LRP1B: variants seen among roughly 807,000 people sequenced by gnomAD.
LRP1B encodes low-density lipoprotein receptor-related protein 1B.
In LRP1B, 217 loss-of-function variants were observed where a neutral mutation model predicts 556.6. The observed-to-expected ratio is 0.39, with a 90% CI of 0.35 to 0.44. LRP1B has a LOEUF of 0.44. LRP1B is among the 20% of genes least tolerant of loss of function. LRP1B has a pLI of 1.00. For missense variants in LRP1B, 5,053 were observed against 5,620.8 expected, an observed-to-expected ratio of 0.90 and a Z score of 3.23; for synonymous variants, 2,047 against 1,865.8, an observed-to-expected ratio of 1.10 and a Z score of -2.50.
intron 32 of LRP1B, among the ~76,000 whole-genome samples, chr2:140,795,152 C>T (rs1301432880): frequency 6.6e-6 from 1 of 152,122 alleles, no homozygotes; most frequent in East Asian, 1.9e-4. Flanking sequence ...AAAGAGCCTT[C>T]TTGTAAAGGT....
intron 1 of LRP1B, among the ~76,000 whole-genome samples, chr2:141,966,454 A>G (rs1701568744): frequency 6.6e-6 from 1 of 151,934 alleles, no homozygotes; most frequent in Non-Finnish European, 1.5e-5. Context: ...TGCCCAGAAC[A>G]GAGAGCTAGG....
At chr2:141,909,525 CA>C (rs1558954629) in intron 1 of LRP1B, among the ~76,000 whole-genome samples, 1 of 118,126 alleles carries the variant, frequency 8.5e-6, no homozygotes, top group Admixed American at 9.7e-5. Context: ...AGGTCTCAGA[CA>C]TTTTTTTTTT....
chr2:140,409,994 T>G (rs942729901), intron 66 of LRP1B, among the ~76,000 whole-genome samples: 1 of 152,126 alleles, frequency 6.6e-6, no homozygotes, highest in African/African-American at 2.4e-5. Context: ...AAAACATGGT[T>G]GCCTTCGCCA....
chr2:140,361,381 A>T (rs1209502153), intron 72 of LRP1B, among the ~76,000 whole-genome samples: 8 of 33,836 alleles, frequency 2.4e-4, no homozygotes, highest in East Asian at 1.3e-3. Context: ...TATATATATA[A>T]CAAAAATAAG....
chr2:141,864,752 C>T (rs12105302), intron 1 of LRP1B, among the ~76,000 whole-genome samples: 48,747 of 151,816 alleles, frequency 0.32, 9,033 homozygotes, highest in Middle Eastern at 0.46. Context: ...CGTGGTGGCA[C>T]ACACCTGTAG....
rs553209115 is a variant in LRP1B, at chr2:140,886,184, A to T, written c.3918T>A (p.Asp1306Glu). 1.2e-6 allele frequency: 2 copies of T among 1,611,230 alleles called. No individual in the cohort carries two copies. The highest frequency in any genetic ancestry group is 8.5e-7 in the Non-Finnish European group (1 of 1,178,126). Residue 1306 changes from aspartate to glutamate, a missense_variant, in exon 24 of 91, where the codon GAT becomes GAA. Transcript: ENST00000389484. Reference sequence around the variant, plus strand: ...CCCGGTATATTCTGTCTTCTACAACATCTGTCCAATAAAGTAAACTTTGAT... The same window carrying T: ...CCCGGTATATTCTGTCTTCTACAACTTCTGTCCAATAAAGTAAACTTTGAT... ...HFNQSLLYWT[D>E]VVEDRIYRGK...
chr2:141,044,245 C>T (rs989796179), intron 11 of LRP1B, among the ~76,000 whole-genome samples: 11 of 151,528 alleles, frequency 7.3e-5, no homozygotes, highest in Non-Finnish European at 1.6e-4. Context: ...GGATCCCTTC[C>T]TTACACCTTA....
At chr2:141,996,527 T>C (rs1413788526) in intron 1 of LRP1B, among the ~76,000 whole-genome samples, 2 of 152,208 alleles carry the variant, frequency 1.3e-5, no homozygotes, top group African/African-American at 2.4e-5. Context: ...CAATAAACTG[T>C]AGCCATTGAG....
intron 1 of LRP1B, among the ~76,000 whole-genome samples, chr2:141,879,454 C>A (rs1307984209): frequency 1.3e-5 from 2 of 151,810 alleles, no homozygotes; most frequent in Non-Finnish European, 2.9e-5. Context: ...TTAACAAAAT[C>A]AGTTTTTTAA....
intron 7 of LRP1B, among the ~76,000 whole-genome samples, chr2:141,092,890 G>A (rs1047085166): frequency 1.3e-5 from 2 of 152,162 alleles, no homozygotes; most frequent in Non-Finnish European, 2.9e-5. Flanking sequence ...TGGAGAATCA[G>A]GGGAGGAAAA....
chr2:141,364,584 CAT>C (rs1220942956), intron 3 of LRP1B, among the ~76,000 whole-genome samples: 1 of 152,184 alleles, frequency 6.6e-6, no homozygotes, highest in African/African-American at 2.4e-5. Context: ...AGGCACATAA[CAT>C]AGATTTATAC....
At chr2:141,078,877 C>G (rs1279656251) in intron 7 of LRP1B, among the ~76,000 whole-genome samples, 1 of 152,086 alleles carries the variant, frequency 6.6e-6, no homozygotes, top group Admixed American at 6.5e-5. Context: ...ATGTTGCCCT[C>G]TATATTACCA....
intron 66 of LRP1B, among the ~76,000 whole-genome samples, chr2:140,396,235 A>G (rs1484445554): frequency 6.6e-6 from 1 of 152,194 alleles, no homozygotes; most frequent in Non-Finnish European, 1.5e-5. Context: ...GCTGAGAGAC[A>G]AACAAAATAA....
At chr2:140,454,843 A>G (rs2105319552) in intron 62 of LRP1B, among the ~76,000 whole-genome samples, 1 of 151,964 alleles carries the variant, frequency 6.6e-6, no homozygotes, top group Non-Finnish European at 1.5e-5. Context: ...GCTATTTGAG[A>G]TGTTCATCTG....
intron 3 of LRP1B, among the ~76,000 whole-genome samples, chr2:141,397,112 T>TAAAAAAAAAAAAAAAA (rs1690264904): frequency 3.8e-4 from 1 of 2,600 alleles, no homozygotes; most frequent in Non-Finnish European, 7.5e-4. Flanking sequence ...AAACTTTGTC[T>TAAAAAAAAAAAAAAAA]CAAAAAAAAA....
At chr2:140,679,526 G>A (rs1559050728) in intron 41 of LRP1B, among the ~76,000 whole-genome samples, 1 of 152,000 alleles carries the variant, frequency 6.6e-6, no homozygotes. Context: ...TTACCAGTAC[G>A]TAGCGAATGA....
In LRP1B at chr2:140,663,320, A is replaced by G. The variant is rs544382980; in HGVS notation, c.6799+36930T>C. On this transcript the variant is annotated intron_variant, in intron 41 of 90. Transcript: ENST00000389484. ...CATCGAGTATTCACCATAGTGGCAT[A>G]CAGAAAAACTACAATAGTCCAGTGA... 1.2e-4 allele frequency among the ~76,000 whole-genome samples: 18 copies of G among 152,328 alleles called. No individual in the cohort carries two copies. The South Asian group carries it at 3.7e-3, about 32-fold the overall frequency.
At chr2:140,881,128 A>C (rs1447733574) in intron 25 of LRP1B, among the ~76,000 whole-genome samples, 2 of 152,122 alleles carry the variant, frequency 1.3e-5, no homozygotes, top group African/African-American at 2.4e-5. Context: ...ATATTTTATT[A>C]ATAGTTTGAG....
intron 41 of LRP1B, among the ~76,000 whole-genome samples, chr2:140,640,587 G>A (rs1256390219): frequency 6.7e-6 from 1 of 150,030 alleles, no homozygotes; most frequent in East Asian, 2.0e-4. Flanking sequence ...AGTAGAGACA[G>A]GGTTTCACCG....
Sources: gnomAD v4.1 joint callset for allele counts (sites outside exome capture counted in the v4.1 genomes callset) on GRCh38, gnomAD v4.1.1 for gene constraint, MANE v1.5 for transcripts, NCBI Gene and HGNC (gene_info 2026-07-23, HGNC 2026-07-21) for gene names.